JAM3: variants seen among roughly 807,000 people sequenced by gnomAD.
JAM3 encodes junctional adhesion molecule C.
JAM3 carries 31 observed loss-of-function variants against 39.4 expected under a neutral mutation model. The ratio of observed to expected loss-of-function variants is 0.79; its 90% CI spans 0.59 to 1.06. The LOEUF is 1.06. Ranked by LOEUF, JAM3 falls within the 50% of genes least tolerant of loss-of-function variation. The pLI, the probability that JAM3 is intolerant of heterozygous loss-of-function variation, is 0.00. For missense variants in JAM3, 455 were observed against 391.4 expected (o/e 1.16, Z -1.37); for synonymous variants, 182 against 148.7 (o/e 1.22, Z -1.63).
At chr11:134,094,468 C>T (rs1941938094) in intron 1 of JAM3, among the ~76,000 whole-genome samples, 1 of 140,264 alleles carries the variant, frequency 7.1e-6, no homozygotes, top group African/African-American at 2.8e-5. Flanking sequence ...TCATGTTCCA[C>T]CTTACATGTG....
At chr11:134,110,294 T>A (rs1229768977) in intron 1 of JAM3, among the ~76,000 whole-genome samples, 12 of 152,116 alleles carry the variant, frequency 7.9e-5, no homozygotes, top group Non-Finnish European at 2.9e-5. Flanking sequence ...GATTCAGTTA[T>A]TATACTCCCA....
intron 1 of JAM3, among the ~76,000 whole-genome samples, chr11:134,101,593 A>G (rs1313516590): frequency 6.6e-6 from 1 of 152,240 alleles, no homozygotes; most frequent in Non-Finnish European, 1.5e-5. Context: ...AGTGTCCACT[A>G]GAAAATAGAG....
intron 1 of JAM3, among the ~76,000 whole-genome samples, chr11:134,077,299 T>A (rs1360811204): frequency 6.6e-6 from 1 of 152,096 alleles, no homozygotes; most frequent in Admixed American, 6.5e-5. Context: ...TTGCCCACTT[T>A]TTAATGGGAT....
rs528793276 is a variant in JAM3 at position 134,137,410 on chromosome 11, T to A, written c.77-2441T>A. ...ATAATGTACTTCTATTTCTCTAGACTATAAGCTCTCCCATTTTCTTATTTC... is the reference window on the plus strand; with the variant it reads ...ATAATGTACTTCTATTTCTCTAGACAATAAGCTCTCCCATTTTCTTATTTC... On this transcript the variant is annotated intron_variant, in intron 1 of 8. Coordinates refer to ENST00000299106, the MANE Select transcript of JAM3 (RefSeq NM_032801.5). Among the ~76,000 whole-genome samples, 10 of 152,342 alleles carry A rather than the reference T, an allele frequency of 6.6e-5. No homozygotes were observed. The East Asian group carries it at 1.9e-3, about 29-fold the overall frequency.
chr11:134,096,566 G>A (rs1941988299), intron 1 of JAM3, among the ~76,000 whole-genome samples: 1 of 152,200 alleles, frequency 6.6e-6, no homozygotes, highest in Non-Finnish European at 1.5e-5. Context: ...TGTTTGGGCA[G>A]ATGTTTACTA....
In JAM3 at chr11:134,139,876, C is replaced by T. The variant is rs1942942890; in HGVS notation, c.102C>T (p.Leu34=). The part of the protein sequence containing the change: ...FRGCLIGAVN[L]KSSNRTPVVQ... ...GCTGCCTGATAGGGGCTGTAAATCT[C>T]AAATCCAGCAATCGAACCCCAGTGG... is the stretch of plus-strand genomic sequence containing the variant. The change falls in exon 2 of 9, where the codon CTC becomes CTT. Residue 34 remains leucine (L), a synonymous_variant. Transcript: ENST00000299106. 1 of 1,613,938 alleles carries T rather than the reference C, an allele frequency of 6.2e-7. No individual in the cohort carries two copies. Among genetic ancestry groups the T allele is most frequent in the Admixed American group, 1.7e-5 (1 of 60,006 alleles).
At chr11:134,116,715 G>A (rs945262404) in intron 1 of JAM3, among the ~76,000 whole-genome samples, 13 of 151,388 alleles carry the variant, frequency 8.6e-5, no homozygotes, top group East Asian at 2.0e-4. Flanking sequence ...AAATGCTTTT[G>A]GTTATCAGGT....
intron 6 of JAM3, chr11:134,147,991 A>G (rs74319987): frequency 0.029 from 5,025 of 172,948 alleles, 253 homozygotes; most frequent in African/African-American, 0.11. Flanking sequence ...ACATGAGAAA[A>G]GGGTTCCAGG....
chr11:134,132,555 G>T (rs1398945400), intron 1 of JAM3, among the ~76,000 whole-genome samples: 2 of 152,176 alleles, frequency 1.3e-5, no homozygotes, highest in African/African-American at 2.4e-5. Context: ...TGTGATTTTT[G>T]AAGAAATTAT....
At chr11:134,091,981 C>T (rs969702641) in intron 1 of JAM3, among the ~76,000 whole-genome samples, 2 of 151,930 alleles carry the variant, frequency 1.3e-5, no homozygotes, top group African/African-American at 4.8e-5. Context: ...TACTTCTAGT[C>T]ATTTCTGTAC....
intron 1 of JAM3, among the ~76,000 whole-genome samples, chr11:134,103,195 G>C (rs906843939): frequency 6.6e-6 from 1 of 152,144 alleles, no homozygotes; most frequent in Non-Finnish European, 1.5e-5. Context: ...AGAAGAGAGT[G>C]GGGGCCAATA....
chr11:134,117,939 G>T (rs938456593), intron 1 of JAM3, among the ~76,000 whole-genome samples: 2 of 152,180 alleles, frequency 1.3e-5, no homozygotes, highest in African/African-American at 4.8e-5. Flanking sequence ...AATGTCTGCA[G>T]TTGGAATGCA....
At position 134,070,635 on chromosome 11, in the gene JAM3, G is replaced by A. The variant is rs139831601; in HGVS notation, c.76+1476G>A. Among the ~76,000 whole-genome samples the A allele has an allele frequency of 2.6e-5, 4 of 152,314 alleles. No homozygotes were observed. In the East Asian group the frequency reaches 7.7e-4, roughly 29 times the overall value. On this transcript the variant is annotated intron_variant, in intron 1 of 8. Coordinates refer to ENST00000299106, the MANE Select transcript of JAM3 (RefSeq NM_032801.5). ...GGAATGTCCAGCACCCGCTGTGTTG[G>A]TCACACTGACACTGTCCTATTCACA...
At chr11:134,132,497 C>T (rs569069704) in intron 1 of JAM3, among the ~76,000 whole-genome samples, 7 of 152,156 alleles carry the variant, frequency 4.6e-5, no homozygotes, top group African/African-American at 7.2e-5. Context: ...TTAAGATCTC[C>T]GATAAAGCTA....
At chr11:134,139,699 G>A in intron 1 of JAM3, 152 bp from the exon 2 acceptor site, 1 of 679,552 alleles carries the variant, frequency 1.5e-6, no homozygotes, top group Non-Finnish European at 2.7e-6. Context: ...CAGTTAACTT[G>A]GCTTACCTAA....
intron 1 of JAM3, among the ~76,000 whole-genome samples, chr11:134,122,193 A>G (rs961532627): frequency 8.5e-5 from 13 of 152,216 alleles, no homozygotes; most frequent in African/African-American, 2.7e-4. Flanking sequence ...CATTTGAGGT[A>G]TCATCAGTGT....
chr11:134,071,954 A>G (rs1281954155), intron 1 of JAM3, among the ~76,000 whole-genome samples: 2 of 152,202 alleles, frequency 1.3e-5, no homozygotes, highest in African/African-American at 4.8e-5. Flanking sequence ...GACTGAATGG[A>G]TAAGTACTAG....
chr11:134,131,609 C>T (rs1477562310), intron 1 of JAM3, among the ~76,000 whole-genome samples: 3 of 152,126 alleles, frequency 2.0e-5, no homozygotes, highest in African/African-American at 2.4e-5. Context: ...GTCCCAGAGG[C>T]AGCACAGATA....
chr11:134,077,394 G>A (rs1184534078), intron 1 of JAM3, among the ~76,000 whole-genome samples: 1 of 142,544 alleles, frequency 7.0e-6, no homozygotes, highest in South Asian at 2.2e-4. Context: ...ACAGAGTTTC[G>A]CTTTTGTTGC....
Sources: allele counts gnomAD v4.1 joint callset (sites outside exome capture counted in the v4.1 genomes callset), GRCh38; gene constraint gnomAD v4.1.1; transcripts MANE v1.5; gene names NCBI Gene and HGNC (gene_info 2026-07-23, HGNC 2026-07-21).